GPC6: variants seen among roughly 807,000 people sequenced by gnomAD.
GPC6 encodes glypican 6, also known as glypican-6.
In GPC6, 14 loss-of-function variants were observed where a neutral mutation model predicts 55.2. That is an observed-to-expected ratio of 0.25 (90% CI 0.17 to 0.40). The LOEUF (loss-of-function observed/expected upper bound fraction) is 0.40, where lower values mean the gene tolerates loss of function less well. GPC6 is among the 10% of genes least tolerant of loss of function. The pLI is 1.00. For missense variants in GPC6, 641 were observed against 708.5 expected (o/e 0.90, Z 1.08); for synonymous variants, 278 against 259.6 (o/e 1.07, Z -0.68).
At chr13:93,595,881 G>T (rs16949017) in intron 2 of GPC6, among the ~76,000 whole-genome samples, 2,395 of 152,212 alleles carry the variant, frequency 0.016, 71 homozygotes, top group African/African-American at 0.055. Context: ...ATGGATGACC[G>T]TACAGTTGTT....
At chr13:93,329,849 A>C (rs1879782987) in intron 1 of GPC6, among the ~76,000 whole-genome samples, 1 of 152,208 alleles carries the variant, frequency 6.6e-6, no homozygotes, top group Admixed American at 6.5e-5. Context: ...TAACAAAAAA[A>C]AAACCCTTGT....
chr13:93,680,019 G>A (rs1036797852), intron 2 of GPC6, among the ~76,000 whole-genome samples: 30 of 152,136 alleles, frequency 2.0e-4, no homozygotes, highest in African/African-American at 7.0e-4. Context: ...TGGATATGGA[G>A]AAATAGAAAC....
chr13:94,206,402 C>G (rs1353089774), intron 4 of GPC6, among the ~76,000 whole-genome samples: 3 of 152,130 alleles, frequency 2.0e-5, no homozygotes, highest in Non-Finnish European at 1.5e-5. Flanking sequence ...GGAGTCTCAG[C>G]AGCCGTCTTC....
chr13:94,197,608 T>C (rs1363937125), intron 4 of GPC6, among the ~76,000 whole-genome samples: 1 of 152,118 alleles, frequency 6.6e-6, no homozygotes, highest in Non-Finnish European at 1.5e-5. Flanking sequence ...ACCCTTATGA[T>C]CTCATATAAC....
intron 3 of GPC6, among the ~76,000 whole-genome samples, chr13:93,885,619 G>C (rs1854733): frequency 2.6e-5 from 4 of 151,114 alleles, no homozygotes; most frequent in Admixed American, 2.0e-4. Flanking sequence ...AAAATTACAG[G>C]CTAAAGTTCC....
At chr13:93,795,798 C>T (rs1454852063) in intron 2 of GPC6, among the ~76,000 whole-genome samples, 1 of 152,130 alleles carries the variant, frequency 6.6e-6, no homozygotes, top group African/African-American at 2.4e-5. Flanking sequence ...CATCTCTGAA[C>T]ACTGCAGTAT....
intron 4 of GPC6, among the ~76,000 whole-genome samples, chr13:94,216,138 C>T (rs1241215244): frequency 6.6e-6 from 1 of 152,158 alleles, no homozygotes; most frequent in African/African-American, 2.4e-5. Context: ...CACTGCATTC[C>T]TCATTGTATT....
intron 6 of GPC6, among the ~76,000 whole-genome samples, chr13:94,347,789 C>T (rs1198211527): frequency 6.6e-6 from 1 of 152,206 alleles, no homozygotes; most frequent in Non-Finnish European, 1.5e-5. Context: ...CAAAAAACTG[C>T]AGTGGAAATA....
chr13:93,934,932 CTTTGTTCACTAAGCTTCA>C (rs1208532476), intron 3 of GPC6, among the ~76,000 whole-genome samples: 6 of 152,122 alleles, frequency 3.9e-5, no homozygotes, highest in African/African-American at 7.2e-5. Flanking sequence ...TAGTGTCTGA[CTTTGTTCACTAAGCTTCA>C]TATTTTTTAC....
chr13:93,219,408 T>C, the GPC6 span, among the ~76,000 whole-genome samples: 2 of 152,172 alleles, frequency 1.3e-5, no homozygotes, highest in East Asian at 3.9e-4. Context: ...TACCCTTTCT[T>C]ATGACCAAAC....
intron 4 of GPC6, among the ~76,000 whole-genome samples, chr13:94,101,984 A>G (rs1450186399): frequency 6.6e-6 from 1 of 152,142 alleles, no homozygotes; most frequent in African/African-American, 2.4e-5. Flanking sequence ...CAATTATCAA[A>G]TGGTTTTTGC....
At chr13:93,735,558 G>C (rs1431989707) in intron 2 of GPC6, among the ~76,000 whole-genome samples, 2 of 151,756 alleles carry the variant, frequency 1.3e-5, no homozygotes, top group African/African-American at 4.8e-5. Context: ...TCCAAGGATA[G>C]ACAGAGGATG....
At chr13:93,825,705 A>G (rs1160133876) in intron 2 of GPC6, among the ~76,000 whole-genome samples, 2 of 152,156 alleles carry the variant, frequency 1.3e-5, no homozygotes, top group Non-Finnish European at 2.9e-5. Context: ...TATATCTGAA[A>G]GCTGACACAT....
At chr13:94,345,727 C>T (rs1594191080) in intron 6 of GPC6, among the ~76,000 whole-genome samples, 1 of 152,158 alleles carries the variant, frequency 6.6e-6, no homozygotes, top group Non-Finnish European at 1.5e-5. Context: ...TGGACATATG[C>T]GACAGGTTGT....
At chr13:93,621,731 T>G (rs1878959328) in intron 2 of GPC6, among the ~76,000 whole-genome samples, 1 of 152,198 alleles carries the variant, frequency 6.6e-6, no homozygotes, top group Admixed American at 6.5e-5. Context: ...ACCCTCTTTC[T>G]TGAATTTGAT....
At chr13:93,443,857 T>G (rs995378059) in intron 1 of GPC6, among the ~76,000 whole-genome samples, 36 of 145,606 alleles carry the variant, frequency 2.5e-4, no homozygotes, top group African/African-American at 8.0e-4. Context: ...TCTGTGATGT[T>G]TGATCAAGGA....
intron 2 of GPC6, among the ~76,000 whole-genome samples, chr13:93,546,055 T>A (rs950328306): frequency 6.6e-6 from 1 of 152,234 alleles, no homozygotes; most frequent in African/African-American, 2.4e-5. Context: ...AGAGCCTGAA[T>A]AGTTTGAAAA....
chr13:93,554,592 G>A (rs1361793668), intron 2 of GPC6, among the ~76,000 whole-genome samples: 1 of 152,206 alleles, frequency 6.6e-6, no homozygotes, highest in Non-Finnish European at 1.5e-5. Flanking sequence ...ATTATCAAAT[G>A]CATTACAAAT....
intron 6 of GPC6, among the ~76,000 whole-genome samples, chr13:94,362,215 TC>T (rs1277336795): frequency 6.6e-6 from 1 of 152,202 alleles, no homozygotes; most frequent in African/African-American, 2.4e-5. Context: ...AAAGGACCTA[TC>T]GGGGGAAATT....
Sources: gnomAD v4.1 joint callset for allele counts (sites outside exome capture counted in the v4.1 genomes callset) on GRCh38, gnomAD v4.1.1 for gene constraint, MANE v1.5 for transcripts, NCBI Gene and HGNC (gene_info 2026-07-23, HGNC 2026-07-21) for gene names.